Variants in CTCF observed in about 807,000 individuals in gnomAD.
CTCF encodes the protein CCCTC-binding factor.
Under a neutral mutation model 72.3 loss-of-function variants are expected in CTCF, and 7 were observed. The observed-to-expected ratio is 0.10, with a 90% confidence interval of 0.06 to 0.18. CTCF has a LOEUF of 0.18. Among genes scored for constraint, CTCF ranks in the 10% least tolerant of loss-of-function variants. CTCF has a pLI of 1.00. For missense variants in CTCF, 516 were observed against 949.1 expected (o/e 0.54, Z 6.00); for synonymous variants, 374 against 315.8 (o/e 1.18, Z -1.95).
chr16:67,625,665 A>G (rs1477040019), intron 7 of CTCF, among the ~76,000 whole-genome samples: 1 of 152,114 alleles, frequency 6.6e-6, no homozygotes, highest in Non-Finnish European at 1.5e-5. Context: ...TTGTACATTT[A>G]TATTCCTACT....
At position 67,630,712 on chromosome 16, in the gene CTCF, G is replaced by A. The variant is rs548161676; in HGVS notation, c.1837+1179G>A. ...TGAGGCTGCAGTGAGCTGTGATCAC[G>A]CCACTGCCTTCCAGTCTGGTGGTCG... On this transcript the variant is annotated intron_variant, in intron 10 of 11. Coordinates refer to ENST00000264010, the MANE Select transcript of CTCF (RefSeq NM_006565.4). 2.6e-5 allele frequency among the ~76,000 whole-genome samples: 4 copies of A among 152,092 alleles called. 1 individual carries two copies. The highest frequency in any genetic ancestry group is 4.2e-4 in the South Asian group (2 of 4,800).
intron 2 of CTCF, among the ~76,000 whole-genome samples, chr16:67,592,637 G>A (rs1597697044): frequency 3.3e-5 from 5 of 151,980 alleles, no homozygotes; most frequent in Admixed American, 2.6e-4. Flanking sequence ...CCCAGGAGGC[G>A]GAAGTCGCAG....
At chr16:67,616,586 C>T (rs1005259068) in intron 4 of CTCF, 159 bp from the exon 5 acceptor site, 49 of 731,274 alleles carry the variant, frequency 6.7e-5, no homozygotes, top group Non-Finnish European at 1.0e-4. Flanking sequence ...CAGGCCCTCC[C>T]ATAGTTTTCG....
In CTCF at chr16:67,638,745, T is replaced by C. The variant is rs2052466761; in HGVS notation, c.*873T>C. On this transcript the variant is annotated 3_prime_UTR_variant, in exon 12 of 12. Coordinates refer to ENST00000264010, the MANE Select transcript of CTCF (RefSeq NM_006565.4). ...CTGTTTGTAGCTGATTGTTGTGTTT[T>C]ATAAATCTTCTGTTAAGGCAGAAGG... 1.4e-5 allele frequency: 3 copies of C among 222,052 alleles called. No homozygotes were observed. Among genetic ancestry groups the C allele is most frequent in the South Asian group, 3.7e-4 (2 of 5,448 alleles). 13.8% of individuals were successfully genotyped at this position (222,052 alleles called of 1,614,324 possible).
At chr16:67,578,976 C>T (rs527479566) in intron 2 of CTCF, among the ~76,000 whole-genome samples, 5 of 147,780 alleles carry the variant, frequency 3.4e-5, no homozygotes, top group South Asian at 4.3e-4. Flanking sequence ...AATAAAAGGC[C>T]GGGCGTGGTG....
chr16:67,578,496 C>T (rs1567593842), intron 2 of CTCF, among the ~76,000 whole-genome samples: 2 of 151,600 alleles, frequency 1.3e-5, no homozygotes, highest in Non-Finnish European at 2.9e-5. Context: ...CCATGCCCAG[C>T]GAATTTTTGT....
At chr16:67,609,537 G>A (rs1001816209) in intron 2 of CTCF, among the ~76,000 whole-genome samples, 1 of 151,770 alleles carries the variant, frequency 6.6e-6, no homozygotes, top group Non-Finnish European at 1.5e-5. Context: ...TTCATGCATT[G>A]TGATTGATTA....
intron 7 of CTCF, among the ~76,000 whole-genome samples, chr16:67,624,751 G>C (rs1219103631): frequency 6.6e-6 from 1 of 151,760 alleles, no homozygotes; most frequent in African/African-American, 2.4e-5. Context: ...ACGATGACCA[G>C]CTAATTTTTT....
At position 67,601,352 on chromosome 16, in the gene CTCF, T is replaced by G. The variant is rs150933344; in HGVS notation, c.-9-9472T>G. ...GTGTGTGTGTGTTTTGTTTTGTTTT[T>G]TTTTAAGACGGAGTCTCACTCTGTC... is the stretch of plus-strand genomic sequence containing the variant. On this transcript the variant is annotated intron_variant, in intron 2 of 11. Coordinates refer to ENST00000264010, the MANE Select transcript of CTCF (RefSeq NM_006565.4). Among the ~76,000 whole-genome samples the G allele has an allele frequency of 6.5e-3, 981 of 150,328 alleles. 16 individuals are homozygous for G. The highest frequency in any genetic ancestry group is 0.022 in the African/African-American group (904 of 40,828).
intron 1 of CTCF, among the ~76,000 whole-genome samples, chr16:67,564,740 C>G (rs893799674): frequency 2.0e-5 from 3 of 152,104 alleles, no homozygotes. Context: ...ATAATCGAGC[C>G]AGGAGTAAAG....
chr16:67,620,526 T>C (rs551953926), intron 5 of CTCF, among the ~76,000 whole-genome samples, 171 bp from the exon 6 acceptor site: 45 of 152,294 alleles, frequency 3.0e-4, no homozygotes, highest in African/African-American at 9.1e-4. Context: ...GATAATGATA[T>C]GGATTCGAGA....
At chr16:67,619,164 G>T (rs190892003) in intron 5 of CTCF, among the ~76,000 whole-genome samples, 1 of 152,322 alleles carries the variant, frequency 6.6e-6, no homozygotes, top group African/African-American at 2.4e-5. Context: ...GGCCAGGCGC[G>T]GTAGCTCACG....
chr16:67,633,426 G>A (rs1346909373), intron 10 of CTCF, among the ~76,000 whole-genome samples: 2 of 152,142 alleles, frequency 1.3e-5, no homozygotes, highest in South Asian at 2.1e-4. Context: ...TCACTTTCAT[G>A]TACCACTTAT....
chr16:67,595,930 A>G (rs2051807553), intron 2 of CTCF, among the ~76,000 whole-genome samples: 1 of 152,002 alleles, frequency 6.6e-6, no homozygotes, highest in African/African-American at 2.4e-5. Context: ...ATTGGGGAGT[A>G]TCTTTCTTTT....
chr16:67,565,202 A>G (rs971034741), intron 1 of CTCF, among the ~76,000 whole-genome samples: 1 of 151,586 alleles, frequency 6.6e-6, no homozygotes, highest in Non-Finnish European at 1.5e-5. Flanking sequence ...GGTTTTCACG[A>G]TGTTGGCCAG....
chr16:67,599,317 C>T (rs1334680384), intron 2 of CTCF, among the ~76,000 whole-genome samples: 1 of 152,180 alleles, frequency 6.6e-6, no homozygotes. Flanking sequence ...ATCACTTGAA[C>T]CTGGGAGGCA....
intron 2 of CTCF, among the ~76,000 whole-genome samples, chr16:67,609,021 G>A (rs557960035): frequency 1.3e-5 from 2 of 152,130 alleles, no homozygotes; most frequent in African/African-American, 2.4e-5. Context: ...GATTATAGGC[G>A]TGAGCCACCA....
rs1361858621 is a variant in CTCF, at chr16:67,565,739, G to GT, written c.-127+3016dup. Among the ~76,000 whole-genome samples, 3 of 151,488 alleles carry GT rather than the reference G, an allele frequency of 2.0e-5. No homozygotes were observed. In the South Asian group the frequency reaches 6.3e-4, roughly 32 times the overall value. On this transcript the variant is annotated intron_variant, in intron 1 of 11. Transcript: ENST00000264010. Reference sequence around the variant, plus strand: ...CTTTATCGGGATCCATTCAACCTATGTAAGAATTTAAGAGGTGAAGTTGTC... The same window carrying GT: ...CTTTATCGGGATCCATTCAACCTATGTTAAGAATTTAAGAGGTGAAGTTGTC...
At chr16:67,579,439 A>G (rs1046342316) in intron 2 of CTCF, among the ~76,000 whole-genome samples, 3 of 151,540 alleles carry the variant, frequency 2.0e-5, no homozygotes, top group African/African-American at 7.3e-5. Context: ...GCTCACTGCA[A>G]TCCTTGCTTC....
Sources: allele counts gnomAD v4.1 joint callset (sites outside exome capture counted in the v4.1 genomes callset), GRCh38; gene constraint gnomAD v4.1.1; transcripts MANE v1.5; gene names NCBI Gene and HGNC (gene_info 2026-07-23, HGNC 2026-07-21).